CDH12: variants seen among roughly 807,000 people sequenced by gnomAD.
CDH12 encodes the protein cadherin-12.
CDH12 carries 41 observed loss-of-function variants against 74.1 expected under a neutral mutation model. The ratio of observed to expected loss-of-function variants is 0.55; its 90% CI spans 0.43 to 0.72. The LOEUF is 0.72. CDH12 is among the 30% of genes least tolerant of loss of function. The probability of loss-of-function intolerance (pLI) is 0.00; values close to 1 mark genes in which losing one functional copy is unlikely to be tolerated. For synonymous variants in CDH12, 399 were observed against 355.0 expected, an observed-to-expected ratio of 1.12 and a Z score of -1.39; for missense variants, 945 against 977.2, an observed-to-expected ratio of 0.97 and a Z score of 0.44.
chr5:22,809,669 A>G (rs1749030894), intron 1 of CDH12, among the ~76,000 whole-genome samples: 1 of 152,060 alleles, frequency 6.6e-6, no homozygotes, highest in African/African-American at 2.4e-5. Flanking sequence ...AAAAAATGTT[A>G]GAGGGAAATA....
intron 1 of CDH12, among the ~76,000 whole-genome samples, chr5:22,616,800 T>C (rs1737712062): frequency 6.6e-6 from 1 of 151,988 alleles, no homozygotes; most frequent in African/African-American, 2.4e-5. Flanking sequence ...TATTAGGAGG[T>C]AGGACACTTG....
intron 5 of CDH12, among the ~76,000 whole-genome samples, chr5:21,995,840 T>G (rs552252110): frequency 6.6e-6 from 1 of 152,088 alleles, no homozygotes; most frequent in Non-Finnish European, 1.5e-5. Context: ...CAACTACTGC[T>G]GTATTTTTAG....
intron 10 of CDH12, among the ~76,000 whole-genome samples, chr5:21,796,225 C>T (rs1202835507): frequency 6.6e-6 from 1 of 152,018 alleles, no homozygotes; most frequent in African/African-American, 2.4e-5. Context: ...GCATCTAAGA[C>T]ACTTAAGCTC....
chr5:21,943,107 C>T (rs151267173), intron 6 of CDH12, among the ~76,000 whole-genome samples: 26,725 of 152,026 alleles, frequency 0.18, 2,864 homozygotes, highest in African/African-American at 0.29. Flanking sequence ...CCATGTAAGA[C>T]GTGCCTGTTT....
At position 22,454,714 on chromosome 5, in the gene CDH12, A is replaced by T. The variant is rs112818722; in HGVS notation, c.-427-49363T>A. 3.6e-3 allele frequency among the ~76,000 whole-genome samples: 554 copies of T among 152,202 alleles called. 7 individuals carry two copies. Among genetic ancestry groups the T allele is most frequent in the African/African-American group, 0.013 (527 of 41,528 alleles). ...AGTCTCGAACTCCTGTCCTTAAATG[A>T]TCCACCTAATCTAGCCTCCCAAAGT... On this transcript the variant is annotated intron_variant, in intron 2 of 14. Coordinates refer to ENST00000382254, the MANE Select transcript of CDH12 (RefSeq NM_004061.5).
At chr5:22,170,456 C>T (rs941235767) in intron 4 of CDH12, among the ~76,000 whole-genome samples, 2 of 151,738 alleles carry the variant, frequency 1.3e-5, no homozygotes, top group Non-Finnish European at 2.9e-5. Flanking sequence ...ATATAATTTA[C>T]TGTAGTTAAA....
Position 22,795,624 on chromosome 5 carries a change from C to T in CDH12, c.-523+57434G>A, listed in dbSNP as rs535036469. 4.0e-5 allele frequency among the ~76,000 whole-genome samples: 6 copies of T among 151,264 alleles called. No individual in the cohort carries two copies. The East Asian group carries it at 1.2e-3, about 30-fold the overall frequency. On this transcript the variant is annotated intron_variant, in intron 1 of 14. Transcript: ENST00000382254. ...ACACACACACAAACACACATCTCATCTTGGCTCTGCTTGCATTAATTATGG... is the reference window on the plus strand; with the variant it reads ...ACACACACACAAACACACATCTCATTTTGGCTCTGCTTGCATTAATTATGG...
chr5:22,609,035 C>T (rs72746641), intron 1 of CDH12, among the ~76,000 whole-genome samples: 9,282 of 152,118 alleles, frequency 0.061, 499 homozygotes, highest in East Asian at 0.2. Context: ...CCTTCCAAAT[C>T]CTGAAGGAAC....
intron 1 of CDH12, among the ~76,000 whole-genome samples, chr5:22,709,404 C>T (rs1484825456): frequency 6.6e-6 from 1 of 152,042 alleles, no homozygotes; most frequent in African/African-American, 2.4e-5. Flanking sequence ...ATTGAGCCAT[C>T]CTTGATCTTA....
intron 3 of CDH12, among the ~76,000 whole-genome samples, chr5:22,252,212 T>A (rs1753160900): frequency 6.6e-6 from 1 of 152,054 alleles, no homozygotes; most frequent in East Asian, 1.9e-4. Context: ...GGGATTACTA[T>A]AATAGTACTG....
intron 5 of CDH12, among the ~76,000 whole-genome samples, chr5:22,035,416 G>T (rs1157377379): frequency 6.6e-6 from 1 of 151,886 alleles, no homozygotes; most frequent in South Asian, 2.1e-4. Context: ...ATGTCATAAT[G>T]TTAACTACCG....
chr5:22,010,269 T>G (rs528118855), intron 5 of CDH12, among the ~76,000 whole-genome samples: 1 of 152,178 alleles, frequency 6.6e-6, no homozygotes, highest in Admixed American at 6.5e-5. Context: ...TGTAAAATTT[T>G]CTCTTTTGCT....
rs1745233394 is a variant in CDH12, at chr5:22,117,509, T to TA, written c.-186-38648dup. 1.2e-4 allele frequency among the ~76,000 whole-genome samples: 6 copies of TA among 51,404 alleles called. No individual in the cohort carries two copies. The East Asian group carries it at 2.0e-3, about 17-fold the overall frequency. 33.7% of individuals were successfully genotyped at this position (51,404 alleles called of 152,430 possible). ...ATATATTATATATATATAATATATATATAATATATATATAATATATATATA... is the reference window on the plus strand; with the variant it reads ...ATATATTATATATATATAATATATATAATAATATATATATAATATATATATA... On this transcript the variant is annotated intron_variant, in intron 4 of 14. Transcript: ENST00000382254.
At chr5:22,002,467 A>G (rs1249753071) in intron 5 of CDH12, among the ~76,000 whole-genome samples, 1 of 152,142 alleles carries the variant, frequency 6.6e-6, no homozygotes, top group Non-Finnish European at 1.5e-5. Context: ...CTTACAAAAT[A>G]TGAGATACAT....
At chr5:22,279,136 C>T (rs1198613866) in intron 3 of CDH12, among the ~76,000 whole-genome samples, 1 of 152,018 alleles carries the variant, frequency 6.6e-6, no homozygotes, top group African/African-American at 2.4e-5. Flanking sequence ...TATGCTTTTA[C>T]CACTCAAAAA....
At chr5:22,493,047 T>C (rs551382886) in intron 2 of CDH12, among the ~76,000 whole-genome samples, 10 of 152,334 alleles carry the variant, frequency 6.6e-5, no homozygotes, top group Admixed American at 6.5e-4. Context: ...TCCACAAATA[T>C]GCCAAACTTA....
chr5:22,204,063 T>C (rs1751070754), intron 4 of CDH12, among the ~76,000 whole-genome samples: 1 of 152,070 alleles, frequency 6.6e-6, no homozygotes, highest in African/African-American at 2.4e-5. Context: ...CTATAAACTA[T>C]GCATCTGACA....
At chr5:22,026,464 C>T (rs1418633971) in intron 5 of CDH12, among the ~76,000 whole-genome samples, 2 of 152,164 alleles carry the variant, frequency 1.3e-5, no homozygotes, top group Admixed American at 6.6e-5. Flanking sequence ...ACCTCCCATT[C>T]CCATCATGCA....
chr5:22,220,657 T>C (rs1325409004), intron 3 of CDH12, among the ~76,000 whole-genome samples: 1 of 151,686 alleles, frequency 6.6e-6, no homozygotes, highest in African/African-American at 2.4e-5. Context: ...GCTTTGTATA[T>C]ATGTTTATAT....
Sources: allele counts gnomAD v4.1 joint callset (sites outside exome capture counted in the v4.1 genomes callset), GRCh38; gene constraint gnomAD v4.1.1; transcripts MANE v1.5; gene names NCBI Gene and HGNC (gene_info 2026-07-23, HGNC 2026-07-21).